Variants in HIGD2B observed in about 807,000 individuals in gnomAD.
HIGD2B encodes HIG1 hypoxia inducible domain family member 2B.
For synonymous variants in HIGD2B, 45 were observed against 28.1 expected, an observed-to-expected ratio of 1.60 and a Z score of -1.90; for missense variants, 106 against 67.0, an observed-to-expected ratio of 1.58 and a Z score of -2.03.
chr15:72,679,365 CA>C (rs33992211), intron 2 of HIGD2B, among the ~76,000 whole-genome samples: 51 of 123,510 alleles, frequency 4.1e-4, no homozygotes, highest in Middle Eastern at 8.3e-3. Context: ...AACTGTGTCT[CA>C]AAAAAAAAAA....
At chr15:72,684,298 G>A (rs969535048) in intron 1 of HIGD2B, among the ~76,000 whole-genome samples, 2 of 152,206 alleles carry the variant, frequency 1.3e-5, no homozygotes, top group Non-Finnish European at 2.9e-5. Context: ...TATGTAAATA[G>A]AGAAGATGAA....
At chr15:72,684,609 T>A (rs2150980886) in intron 1 of HIGD2B, among the ~76,000 whole-genome samples, 1 of 152,244 alleles carries the variant, frequency 6.6e-6, no homozygotes, top group Admixed American at 6.5e-5. Flanking sequence ...TGCCTCAGCT[T>A]CCCTAGTAGC....
intron 1 of HIGD2B, among the ~76,000 whole-genome samples, chr15:72,683,091 T>C (rs1336138163): frequency 6.6e-6 from 1 of 152,240 alleles, no homozygotes; most frequent in African/African-American, 2.4e-5. Flanking sequence ...GTGGAAATAA[T>C]AGAGGAGTTT....
In HIGD2B at chr15:72,676,242, C is replaced by T. The variant is rs534374857; in HGVS notation, c.133G>A (p.Glu45Lys). The change falls in exon 3 of 3, where the codon GAG becomes AAG. Residue 45 changes from glutamate to lysine, a missense_variant. Physicochemically the swap from Glu to Lys is moderately conservative, Grantham distance 56. Transcript: ENST00000311755. ...AAACCTATGGGTACCACCGGATTCT[C>T]GCGGGTCTTGCGAAGGAACTTTTCC... ...FKEKFLRKTR[E>K]NPVVPIGFLC... The T allele has an allele frequency of 1.2e-5, 9 of 767,106 alleles. No homozygotes were observed. Among genetic ancestry groups the T allele is most frequent in the South Asian group, 9.4e-5 (7 of 74,220 alleles). The allele number at this position is 767,106 out of a possible 1,614,324, so 47.5% of individuals were successfully genotyped here.
chr15:72,676,176 A>G lies in HIGD2B; in HGVS notation c.199T>C (p.Phe67Leu), dbSNP rs749859156. Residue 67 changes from phenylalanine (F) to leucine (L), a missense_variant, in exon 3 of 3, where the codon TTC (phenylalanine) becomes CTC (leucine). Coordinates refer to ENST00000311755, the MANE Select transcript of HIGD2B (RefSeq NM_001350932.3). ...AAVLTNGLYC[F>L]HQGNSQCSRL... ...GAACATTGGCTGTTGCCCTGGTGGA[A>G]GCAGTAGAGGCCGTTGGTGAGGACG... 1 of 763,276 alleles carries G rather than the reference A, an allele frequency of 1.3e-6. No homozygotes were observed. Among genetic ancestry groups the G allele is most frequent in the African/African-American group, 1.7e-5 (1 of 59,038 alleles). 47.3% of individuals were successfully genotyped at this position (763,276 alleles called of 1,614,324 possible). A position where few individuals can be genotyped will look rare whatever the true frequency, so the allele number is the denominator to read the frequency against.
At chr15:72,676,457 T>C (rs1011830416) in intron 2 of HIGD2B, 70 bp from the exon 3 acceptor site, 1 of 615,336 alleles carries the variant, frequency 1.6e-6, no homozygotes, top group African/African-American at 1.9e-5. Flanking sequence ...CAGGCTGGAG[T>C]GCAGTGGTGC....
Position 72,676,381 on chromosome 15 carries a change from G to A in HIGD2B, c.-7C>T, listed in dbSNP as rs1317322109. ...CAAAGCCGAGAGTCGCCATGCCTAG[G>A]CCACAGCTGCAGGAGAAAATCCTTT... On this transcript the variant is annotated 5_prime_UTR_variant, in exon 3 of 3. Coordinates refer to ENST00000311755, the MANE Select transcript of HIGD2B (RefSeq NM_001350932.3). 2 of 729,946 alleles carry A rather than the reference G, an allele frequency of 2.7e-6. No individual in the cohort carries two copies. The highest frequency in any genetic ancestry group is 3.9e-5 in the Admixed American group (2 of 50,642). The allele number at this position is 729,946 out of a possible 1,614,324, so 45.2% of individuals were successfully genotyped here.
At chr15:72,677,372 G>A (rs527783963) in intron 2 of HIGD2B, among the ~76,000 whole-genome samples, 2 of 152,278 alleles carry the variant, frequency 1.3e-5, no homozygotes, top group East Asian at 1.9e-4. Context: ...GTTGCAGTGA[G>A]CTGAGATCAC....
At chr15:72,679,600 C>T (rs1476520320) in intron 2 of HIGD2B, among the ~76,000 whole-genome samples, 1 of 152,044 alleles carries the variant, frequency 6.6e-6, no homozygotes, top group African/African-American at 2.4e-5. Context: ...ATTTTAAATG[C>T]ACCAGATACC....
intron 1 of HIGD2B, among the ~76,000 whole-genome samples, chr15:72,684,769 G>A (rs911147883): frequency 6.6e-6 from 1 of 151,922 alleles, no homozygotes; most frequent in South Asian, 2.1e-4. Context: ...GATTACAGGC[G>A]TGAGCCACCG....
In HIGD2B at chr15:72,675,827, C is replaced by A; in HGVS notation, c.*227G>T. On this transcript the variant is annotated 3_prime_UTR_variant, in exon 3 of 3. Transcript: ENST00000311755. ...TTTCTTATTTTTAGAGTTTATTAAG[C>A]AGGGGAGTGGAGGGAAGATGTGGCA... 1 of 518,326 alleles carries A rather than the reference C, an allele frequency of 1.9e-6. No homozygotes were observed. The highest frequency in any genetic ancestry group is 3.4e-6 in the Non-Finnish European group (1 of 293,066). 32.1% of individuals were successfully genotyped at this position (518,326 alleles called of 1,614,324 possible).
At chr15:72,678,601 C>T (rs1469193546) in intron 2 of HIGD2B, among the ~76,000 whole-genome samples, 2 of 152,054 alleles carry the variant, frequency 1.3e-5, no homozygotes, top group Admixed American at 1.3e-4. Flanking sequence ...TACGCCTAGC[C>T]CTAGTTTCTA....
At chr15:72,677,819 A>T (rs1186455810) in intron 2 of HIGD2B, among the ~76,000 whole-genome samples, 1 of 152,144 alleles carries the variant, frequency 6.6e-6, no homozygotes, top group Non-Finnish European at 1.5e-5. Flanking sequence ...AATAAAAATT[A>T]AAAATAGGGA....
rs761274237 is a variant in HIGD2B at position 72,675,947 on chromosome 15, C to A, written c.*107G>T. 1.0e-4 allele frequency: 60 copies of A among 602,554 alleles called. No individual in the cohort carries two copies. Among genetic ancestry groups the A allele is most frequent in the Non-Finnish European group, 1.7e-4 (58 of 336,452 alleles). 37.3% of individuals were successfully genotyped at this position (602,554 alleles called of 1,614,324 possible). The stretch of plus-strand genomic sequence containing the variant: ...CAGGAAGGGTCACTTCCTCCCCCAA[C>A]GACACAGGGACCTCTCAAAGGAGAG... On this transcript the variant is annotated 3_prime_UTR_variant, in exon 3 of 3. Transcript: ENST00000311755.
At chr15:72,677,340 C>A (rs184473611) in intron 2 of HIGD2B, among the ~76,000 whole-genome samples, 203 of 152,230 alleles carry the variant, frequency 1.3e-3, no homozygotes, top group Admixed American at 3.5e-3. Flanking sequence ...GCAGGAGAAT[C>A]GCTTGAACCC....
At chr15:72,677,059 T>A (rs190573953) in intron 2 of HIGD2B, among the ~76,000 whole-genome samples, 37 of 152,346 alleles carry the variant, frequency 2.4e-4, no homozygotes, top group African/African-American at 8.4e-4. Flanking sequence ...TACCATGGGA[T>A]AACTGTAGAA....
At chr15:72,677,036 T>C (rs2064700006) in intron 2 of HIGD2B, among the ~76,000 whole-genome samples, 1 of 152,138 alleles carries the variant, frequency 6.6e-6, no homozygotes, top group African/African-American at 2.4e-5. Flanking sequence ...TACACAATAG[T>C]TTTGGAAGAT....
At position 72,676,322 on chromosome 15, in the gene HIGD2B, G is replaced by C. The variant is rs1439082288; in HGVS notation, c.53C>G (p.Pro18Arg). 2 of 761,328 alleles carry C rather than the reference G, an allele frequency of 2.6e-6. No individual in the cohort carries two copies. Among genetic ancestry groups the C allele is most frequent in the African/African-American group, 3.4e-5 (2 of 58,978 alleles). 47.2% of individuals were successfully genotyped at this position (761,328 alleles called of 1,614,324 possible). A position where few individuals can be genotyped will look rare whatever the true frequency, so the allele number is the denominator to read the frequency against. The change falls in exon 3 of 3, where the codon CCC becomes CGC. Residue 18 changes from proline (P) to arginine (R), a missense_variant. Pro to Arg is a moderately radical substitution (Grantham distance 103). Transcript: ENST00000311755. Reference sequence around the variant, plus strand: ...GGGGCTAAGCCCCTCAAAGATGGGGGGCTTCGATGATTCAAAGGGGGCCTC... The same window carrying C: ...GGGGCTAAGCCCCTCAAAGATGGGGCGCTTCGATGATTCAAAGGGGGCCTC... ...TPEAPFESSK[P>R]PIFEGLSPTV...
chr15:72,676,854 CAGGG>C (rs1567383401), intron 2 of HIGD2B, among the ~76,000 whole-genome samples: 1 of 152,104 alleles, frequency 6.6e-6, no homozygotes, highest in Non-Finnish European at 1.5e-5. Context: ...AGGGTAATGA[CAGGG>C]AGGCTTATGG....
Sources: allele counts gnomAD v4.1 joint callset (sites outside exome capture counted in the v4.1 genomes callset), GRCh38; gene constraint gnomAD v4.1.1; transcripts MANE v1.5; gene names NCBI Gene and HGNC (gene_info 2026-07-23, HGNC 2026-07-21).